ARPP21: variants seen among roughly 807,000 people sequenced by gnomAD.
The protein encoded by ARPP21 is cAMP-regulated phosphoprotein 21.
A neutral mutation model predicts 113.2 loss-of-function variants in ARPP21; 69 were observed. The ratio of observed to expected loss-of-function variants is 0.61; its 90% confidence interval spans 0.50 to 0.74. The LOEUF (loss-of-function observed/expected upper bound fraction) is 0.74. Among genes scored for constraint, ARPP21 ranks in the 30% least tolerant of loss-of-function variants. The pLI is 0.00. For missense variants in ARPP21, 1,070 were observed against 1,037.4 expected, an observed-to-expected ratio of 1.03 and a Z score of -0.43; for synonymous variants, 368 against 375.5, an observed-to-expected ratio of 0.98 and a Z score of 0.23.
At chr3:35,720,862 C>A (rs532796847) in intron 13 of ARPP21, among the ~76,000 whole-genome samples, 4 of 152,108 alleles carry the variant, frequency 2.6e-5, no homozygotes, top group Non-Finnish European at 5.9e-5. Flanking sequence ...GTTCTTTCAC[C>A]TGAGGAGCTT....
At chr3:35,711,058 G>T (rs2090974852) in intron 11 of ARPP21, among the ~76,000 whole-genome samples, 1 of 152,152 alleles carries the variant, frequency 6.6e-6, no homozygotes, top group Non-Finnish European at 1.5e-5. Flanking sequence ...GAAATCATTT[G>T]GCAGCCTTCT....
At chr3:35,748,557 A>G (rs200406588) in intron 19 of ARPP21, among the ~76,000 whole-genome samples, 1 of 151,900 alleles carries the variant, frequency 6.6e-6, no homozygotes, top group Non-Finnish European at 1.5e-5. Flanking sequence ...TGGCTTGTTT[A>G]TAAAAAGACT....
chr3:35,769,516 C>T (rs945159044), intron 19 of ARPP21, among the ~76,000 whole-genome samples: 4 of 152,144 alleles, frequency 2.6e-5, no homozygotes, highest in African/African-American at 4.8e-5. Context: ...GACACAGCCC[C>T]GCTTTGCTTT....
rs533199363 is a variant in ARPP21 at position 35,731,671 on chromosome 3, C to T, written c.1459+2135C>T. 9.2e-5 allele frequency among the ~76,000 whole-genome samples: 14 copies of T among 152,006 alleles called. No homozygotes were observed. The South Asian group carries it at 2.1e-3, about 23-fold the overall frequency. On this transcript the variant is annotated intron_variant, in intron 15 of 20. Coordinates refer to ENST00000684406, the MANE Select transcript of ARPP21 (RefSeq NM_001385562.1). ...TTAGTATATGTATGTGTGTGATGTACGTGTATCTACCTATCAAATTTCTTA... is the reference window on the plus strand; with the variant it reads ...TTAGTATATGTATGTGTGTGATGTATGTGTATCTACCTATCAAATTTCTTA...
At chr3:35,691,569 C>G (rs1291695494) in intron 9 of ARPP21, among the ~76,000 whole-genome samples, 2 of 151,488 alleles carry the variant, frequency 1.3e-5, no homozygotes, top group Non-Finnish European at 1.5e-5. Flanking sequence ...GAGTTTTAAG[C>G]TAGATGAAAC....
At chr3:35,694,569 A>G (rs1435376215) in intron 9 of ARPP21, among the ~76,000 whole-genome samples, 6 of 151,468 alleles carry the variant, frequency 4.0e-5, no homozygotes. Flanking sequence ...CTTACAGGGA[A>G]GCAATGGTTA....
Position 35,715,477 on chromosome 3 carries a change from G to C in ARPP21, c.935+1G>C, listed in dbSNP as rs1410212468. 6.2e-7 allele frequency: 1 copy of C among 1,611,384 alleles called. No individual in the cohort carries two copies. ...AGGAAAGCCTTTTTGTGGAAAACAG[G>C]TAAAATAAAATTTACTTTTCCATGT... On this transcript the variant is annotated splice_donor_variant, in intron 12 of 20. Coordinates refer to ENST00000684406, the MANE Select transcript of ARPP21 (RefSeq NM_001385562.1). LOFTEE classifies it high-confidence loss of function.
At chr3:35,642,657 G>C (rs190711877) in intron 1 of ARPP21, among the ~76,000 whole-genome samples, 318 of 152,232 alleles carry the variant, frequency 2.1e-3, no homozygotes, top group Non-Finnish European at 3.0e-3. Flanking sequence ...GTGGTGAGAA[G>C]TACAGAAATA....
chr3:35,752,994 A>T (rs1317332529), intron 19 of ARPP21, among the ~76,000 whole-genome samples: 2 of 151,362 alleles, frequency 1.3e-5, no homozygotes, highest in Non-Finnish European at 2.9e-5. Flanking sequence ...GACACTCATA[A>T]ATGCATGAAT....
At chr3:35,753,286 C>T (rs562973636) in intron 19 of ARPP21, among the ~76,000 whole-genome samples, 27 of 151,942 alleles carry the variant, frequency 1.8e-4, no homozygotes, top group African/African-American at 6.3e-4. Flanking sequence ...GACAGCCTAA[C>T]AAATCAATTC....
At chr3:35,743,801 A>T (rs1355487330) in intron 18 of ARPP21, 38 bp from the exon 19 acceptor site, 1 of 1,603,184 alleles carries the variant, frequency 6.2e-7, no homozygotes, top group Non-Finnish European at 8.5e-7. Flanking sequence ...CATTATCTAC[A>T]TTTTCATTCT....
intron 19 of ARPP21, among the ~76,000 whole-genome samples, chr3:35,771,285 G>A (rs927510209): frequency 2.0e-5 from 3 of 151,738 alleles, no homozygotes; most frequent in African/African-American, 7.3e-5. Context: ...ACTCTCTAGA[G>A]TTAAGAAGTT....
intron 19 of ARPP21, among the ~76,000 whole-genome samples, chr3:35,790,637 T>C (rs1254986431): frequency 1.3e-5 from 2 of 152,200 alleles, no homozygotes; most frequent in Non-Finnish European, 2.9e-5. Context: ...TTTTTCCTTA[T>C]TGTATAAACT....
chr3:35,647,038 T>C (rs1700505026), intron 1 of ARPP21, among the ~76,000 whole-genome samples: 1 of 152,204 alleles, frequency 6.6e-6, no homozygotes, highest in Admixed American at 6.5e-5. Flanking sequence ...TAAGTTAATC[T>C]AGCATATAAT....
chr3:35,789,064 G>T lies in ARPP21; in HGVS notation c.2138-3318G>T, dbSNP rs562414214. Among the ~76,000 whole-genome samples, 22 of 152,302 alleles carry T rather than the reference G, an allele frequency of 1.4e-4. No individual in the cohort carries two copies. The East Asian group carries it at 3.7e-3, about 25-fold the overall frequency. On this transcript the variant is annotated intron_variant, in intron 19 of 20. Coordinates refer to ENST00000684406, the MANE Select transcript of ARPP21 (RefSeq NM_001385562.1). ...AATGTCTTTATCATCTCTGTAGCAAGCCTACAGGGCAGATACTGTTGCTGC... is the reference window on the plus strand; with the variant it reads ...AATGTCTTTATCATCTCTGTAGCAATCCTACAGGGCAGATACTGTTGCTGC...
chr3:35,689,382 C>A lies in ARPP21; in HGVS notation c.482C>A (p.Ser161Tyr). 1 of 1,442,304 alleles carries A rather than the reference C, an allele frequency of 6.9e-7. No homozygotes were observed. Among genetic ancestry groups the A allele is most frequent in the Non-Finnish European group, 9.8e-7 (1 of 1,024,852 alleles). 89.3% of individuals were successfully genotyped at this position (1,442,304 alleles called of 1,614,324 possible). A position where few individuals can be genotyped will look rare whatever the true frequency, so the allele number is the denominator to read the frequency against. ...CTGATTAACACATTAAAGAATAATTCCAGGTAAATTATTAAATGAGCCTCT... is the reference window on the plus strand; with the variant it reads ...CTGATTAACACATTAAAGAATAATTACAGGTAAATTATTAAATGAGCCTCT... ...EFLINTLKNN[S>Y]RDRMILLKME... is the part of the protein sequence containing the mutation. Residue 161 changes from serine to tyrosine, a missense_variant, in exon 7 of 21, where the codon TCC becomes TAC. Coordinates refer to ENST00000684406, the MANE Select transcript of ARPP21 (RefSeq NM_001385562.1).
intron 19 of ARPP21, among the ~76,000 whole-genome samples, chr3:35,752,685 C>T (rs1485267626): frequency 2.6e-5 from 4 of 152,076 alleles, no homozygotes; most frequent in Admixed American, 1.3e-4. Context: ...TGAGATTCTA[C>T]ATTTTTAGCA....
Position 35,690,857 on chromosome 3 carries a change from T to A in ARPP21, c.546-8T>A. ...GCTGATTCCACTTTTTCTTGAATTA[T>A]GTTCTAGTAATCATTATAAAAAGTT... On this transcript the variant is annotated splice_polypyrimidine_tract_variant and splice_region_variant and intron_variant, in intron 8 of 20. Coordinates refer to ENST00000684406, the MANE Select transcript of ARPP21 (RefSeq NM_001385562.1). 6.3e-7 allele frequency: 1 copy of A among 1,591,492 alleles called. No homozygotes were observed. Among genetic ancestry groups the A allele is most frequent in the East Asian group, 2.3e-5 (1 of 44,284 alleles).
chr3:35,716,163 GC>G (rs759489780), intron 12 of ARPP21, among the ~76,000 whole-genome samples: 2 of 151,934 alleles, frequency 1.3e-5, no homozygotes, highest in Non-Finnish European at 2.9e-5. Flanking sequence ...ATATTAAAAT[GC>G]CCCATTGATT....
Sources: allele counts gnomAD v4.1 joint callset (sites outside exome capture counted in the v4.1 genomes callset), GRCh38; gene constraint gnomAD v4.1.1; transcripts MANE v1.5; gene names NCBI Gene and HGNC (gene_info 2026-07-23, HGNC 2026-07-21).